The following TTC3 variants were observed in gnomAD, a reference collection of about 807,000 sequenced individuals.
TTC3 encodes the protein E3 ubiquitin-protein ligase TTC3.
Under a neutral mutation model 249.6 loss-of-function variants are expected in TTC3, and 180 were observed. The observed-to-expected ratio is 0.72, with a 90% CI of 0.64 to 0.82. TTC3 has a LOEUF of 0.82. TTC3 is among the 40% of genes least tolerant of loss of function. TTC3 has a pLI of 0.00. For missense variants in TTC3, 2,061 were observed against 2,398.4 expected, an observed-to-expected ratio of 0.86 and a Z score of 2.94; for synonymous variants, 717 against 805.0, an observed-to-expected ratio of 0.89 and a Z score of 1.85.
At chr21:37,140,773 T>C in intron 20 of TTC3, 100 bp downstream of exon 20, 1 of 692,340 alleles carries the variant, frequency 1.4e-6, no homozygotes, top group Non-Finnish European at 2.2e-6. Flanking sequence ...ATATCTCCTC[T>C]GTAGCACACT....
chr21:37,115,025 C>A (rs1023712753), intron 11 of TTC3, among the ~76,000 whole-genome samples: 9 of 151,732 alleles, frequency 5.9e-5, no homozygotes, highest in Admixed American at 3.9e-4. Flanking sequence ...CACACCGGGG[C>A]CTGTTGTGAG....
At chr21:37,168,228 C>T (rs2081419224) in intron 34 of TTC3, among the ~76,000 whole-genome samples, 1 of 152,064 alleles carries the variant, frequency 6.6e-6, no homozygotes, top group Non-Finnish European at 1.5e-5. Flanking sequence ...AGCCAAAAGC[C>T]ATCATCTTGC....
chr21:37,095,164 T>TGTGTGTGTGTGTGC (rs1491143504), intron 8 of TTC3, among the ~76,000 whole-genome samples, 186 bp from the exon 9 acceptor site: 1 of 150,478 alleles, frequency 6.6e-6, no homozygotes, highest in East Asian at 1.9e-4. Flanking sequence ...TGTGTGTGTG[T>TGTGTGTGTGTGTGC]ATAGTGGGTG....
intron 13 of TTC3, 132 bp from the exon 14 acceptor site, chr21:37,124,487 T>G: frequency 2.2e-6 from 2 of 919,952 alleles, no homozygotes; most frequent in Non-Finnish European, 3.2e-6. Flanking sequence ...AAGCCCCATC[T>G]CACAGGTAGG....
chr21:37,107,578 A>T (rs75919930), intron 10 of TTC3, among the ~76,000 whole-genome samples: 6,538 of 152,246 alleles, frequency 0.043, 358 homozygotes, highest in East Asian at 0.24. Flanking sequence ...AATTATTTAC[A>T]TTTTACAGAT....
chr21:37,101,743 G>C (rs2074523236), intron 10 of TTC3, among the ~76,000 whole-genome samples: 1 of 151,272 alleles, frequency 6.6e-6, no homozygotes, highest in East Asian at 1.9e-4. Flanking sequence ...TCTTTAAATG[G>C]GTAGGAACAT....
At chr21:37,117,848 A>AAAAAAAAAAG (rs1555876993) in intron 11 of TTC3, among the ~76,000 whole-genome samples, 1 of 150,634 alleles carries the variant, frequency 6.6e-6, no homozygotes, top group African/African-American at 2.4e-5. Flanking sequence ...AAAAAAAAAA[A>AAAAAAAAAAG]AAAAAGAAAA....
chr21:37,107,362 T>A (rs931362549), intron 10 of TTC3, among the ~76,000 whole-genome samples: 3 of 152,142 alleles, frequency 2.0e-5, no homozygotes, highest in Admixed American at 2.0e-4. Flanking sequence ...AGTTTGAAGT[T>A]TGAACAGTTT....
chr21:37,167,422 C>A, intron 33 of TTC3, 133 bp from the exon 34 acceptor site: 1 of 558,580 alleles, frequency 1.8e-6, no homozygotes, highest in Admixed American at 3.8e-5. Context: ...TTACGGAAAG[C>A]ATGGAACATG....
chr21:37,172,866 T>A (rs761678580), intron 35 of TTC3, 122 bp downstream of exon 35: 84 of 1,206,932 alleles, frequency 7.0e-5, no homozygotes, highest in Non-Finnish European at 8.9e-5. Flanking sequence ...AGATTCTTTC[T>A]CAGAATCGCC....
intron 1 of TTC3, among the ~76,000 whole-genome samples, chr21:37,076,396 C>T (rs1207690254): frequency 2.6e-5 from 4 of 152,124 alleles, no homozygotes; most frequent in Non-Finnish European, 4.4e-5. Context: ...TTTTGGTTCA[C>T]AGTTGTAAGA....
intron 1 of TTC3, among the ~76,000 whole-genome samples, chr21:37,080,007 T>C (rs1055075691): frequency 1.3e-5 from 2 of 152,246 alleles, no homozygotes; most frequent in East Asian, 3.9e-4. Context: ...CTATTATTTG[T>C]TTTTTATTTC....
intron 19 of TTC3, 50 bp downstream of exon 19, chr21:37,138,764 C>A: frequency 7.8e-7 from 1 of 1,278,872 alleles, no homozygotes; most frequent in Non-Finnish European, 1.1e-6. Flanking sequence ...ATTGACATAT[C>A]TTATAAAAAT....
At chr21:37,117,994 A>T (rs1389033508) in intron 11 of TTC3, among the ~76,000 whole-genome samples, 1 of 151,710 alleles carries the variant, frequency 6.6e-6, no homozygotes, top group Non-Finnish European at 1.5e-5. Flanking sequence ...TTCTCAGGGG[A>T]TACTCTCTTT....
At chr21:37,152,537 C>T (rs1439010190) in intron 26 of TTC3, among the ~76,000 whole-genome samples, 1 of 151,976 alleles carries the variant, frequency 6.6e-6, no homozygotes, top group Non-Finnish European at 1.5e-5. Flanking sequence ...CAGGTGCCCG[C>T]CACCATGCCC....
intron 10 of TTC3, among the ~76,000 whole-genome samples, chr21:37,103,202 T>A (rs962186062): frequency 6.6e-6 from 1 of 152,180 alleles, no homozygotes; most frequent in Non-Finnish European, 1.5e-5. Flanking sequence ...AGCATCATCT[T>A]TTAGGGCAGA....
At chr21:37,160,914 GACATAT>G in intron 30 of TTC3, 56 bp downstream of exon 30, 1 of 1,527,918 alleles carries the variant, frequency 6.5e-7, no homozygotes, top group Non-Finnish European at 9.0e-7. Context: ...TAGTTAGTTG[GACATAT>G]ACATTAGAAT....
rs371939243 is a variant in TTC3, at chr21:37,095,466, G to A, written c.782+22G>A. ...ATAGGTAAGAGCAAATAGAACAAAA[G>A]AGATGCTTTTTCTATGGCACATCAA... On this transcript the variant is annotated intron_variant, in intron 9 of 45. Coordinates refer to ENST00000355666, the Ensembl canonical transcript of TTC3. The A allele has an allele frequency of 4.8e-6, 7 of 1,471,372 alleles. No individual in the cohort carries two copies. In the African/African-American group the frequency reaches 8.6e-5, roughly 18 times the overall value. 91.1% of individuals were successfully genotyped at this position (1,471,372 alleles called of 1,614,324 possible).
rs747130234 is a variant in TTC3, at chr21:37,116,877, T to C, written c.901-4940T>C. 5.8e-4 allele frequency among the ~76,000 whole-genome samples: 89 copies of C among 152,140 alleles called. 1 individual carries two copies. Among genetic ancestry groups the C allele is most frequent in the Non-Finnish European group, 2.4e-4 (16 of 68,026 alleles). ...TTTAAATAAGATATAGAAAGGCACA[T>C]GTATTTCATACTTCATTCCTGGTTT... On this transcript the variant is annotated intron_variant, in intron 11 of 45. Coordinates refer to ENST00000355666, the Ensembl canonical transcript of TTC3.
Sources: allele counts gnomAD v4.1 joint callset (sites outside exome capture counted in the v4.1 genomes callset), GRCh38; gene constraint gnomAD v4.1.1; transcripts MANE v1.5; gene names NCBI Gene and HGNC (gene_info 2026-07-23, HGNC 2026-07-21).